PLXNC1: variants seen among roughly 807,000 people sequenced by gnomAD.
PLXNC1 encodes plexin-C1.
Under a neutral mutation model 178.2 loss-of-function variants are expected in PLXNC1, and 75 were observed. That is an observed-to-expected ratio of 0.42 (90% CI 0.35 to 0.51). The LOEUF is 0.51. Among genes scored for constraint, PLXNC1 ranks in the 20% least tolerant of loss-of-function variants. PLXNC1 has a pLI of 0.02. For missense variants in PLXNC1, 1,503 were observed against 1,984.4 expected, an observed-to-expected ratio of 0.76 and a Z score of 4.61; for synonymous variants, 790 against 779.9, an observed-to-expected ratio of 1.01 and a Z score of -0.22.
chr12:94,184,278 C>T lies in PLXNC1; in HGVS notation c.1339-2095C>T, dbSNP rs1332469004. 4.6e-5 allele frequency among the ~76,000 whole-genome samples: 7 copies of T among 151,102 alleles called. 1 individual carries two copies. The highest frequency in any genetic ancestry group is 1.2e-4 in the African/African-American group (5 of 40,752). On this transcript the variant is annotated intron_variant, in intron 3 of 30. Transcript: ENST00000258526. Reference sequence around the variant, plus strand: ...GACTACAGTCACACGCTACCATGCCCGGCTAATTTTTGTATTTTTTTTTTT... The same window carrying T: ...GACTACAGTCACACGCTACCATGCCTGGCTAATTTTTGTATTTTTTTTTTT...
intron 17 of PLXNC1, among the ~76,000 whole-genome samples, chr12:94,258,270 C>T (rs1171650165): frequency 1.3e-5 from 2 of 152,124 alleles, no homozygotes; most frequent in Non-Finnish European, 2.9e-5. Context: ...AAATGCAAAC[C>T]TAGGGTCTGG....
chr12:94,296,531 A>ACAGC (rs1365379506), intron 24 of PLXNC1, among the ~76,000 whole-genome samples: 1 of 152,032 alleles, frequency 6.6e-6, no homozygotes, highest in African/African-American at 2.4e-5. Context: ...CTTACCCTTT[A>ACAGC]CAGCCACATT....
intron 17 of PLXNC1, among the ~76,000 whole-genome samples, chr12:94,258,066 G>A (rs886520341): frequency 1.3e-5 from 2 of 151,974 alleles, no homozygotes; most frequent in Non-Finnish European, 2.9e-5. Context: ...GGCAGAGGTT[G>A]CCGTGAGCCG....
At chr12:94,165,206 C>T (rs1050904377) in intron 1 of PLXNC1, among the ~76,000 whole-genome samples, 10 of 152,250 alleles carry the variant, frequency 6.6e-5, no homozygotes, top group Non-Finnish European at 1.3e-4. Flanking sequence ...AGGGGGCTGA[C>T]TGCACTGTTT....
intron 5 of PLXNC1, among the ~76,000 whole-genome samples, chr12:94,219,807 A>ATTTATTTATTTATTTATTTG (rs1555200400): frequency 3.4e-4 from 16 of 46,678 alleles, no homozygotes; most frequent in African/African-American, 1.8e-3. Context: ...TTATATTTTT[A>ATTTATTTATTTATTTATTTG]TTTATTTATT....
intron 9 of PLXNC1, among the ~76,000 whole-genome samples, chr12:94,232,793 T>G (rs1182660146): frequency 6.6e-6 from 1 of 152,222 alleles, no homozygotes. Flanking sequence ...TGCCATGCCC[T>G]GAGCTCAGAG....
intron 5 of PLXNC1, among the ~76,000 whole-genome samples, chr12:94,215,556 T>TGATAGGTA: frequency 6.7e-6 from 1 of 149,334 alleles, no homozygotes; most frequent in South Asian, 2.1e-4. Context: ...CAAACATAGA[T>TGATAGGTA]GATAGATAGA....
chr12:94,300,882 GAA>G (rs1333844031), intron 27 of PLXNC1, 26 bp from the exon 28 acceptor site: 8 of 1,593,760 alleles, frequency 5.0e-6, no homozygotes, highest in South Asian at 1.1e-5. Flanking sequence ...GGCCCTATTT[GAA>G]AAGAGATTAT....
At chr12:94,186,982 C>T (rs2135968245) in intron 4 of PLXNC1, among the ~76,000 whole-genome samples, 1 of 152,370 alleles carries the variant, frequency 6.6e-6, no homozygotes, top group East Asian at 1.9e-4. Flanking sequence ...TCTGCCCAGC[C>T]TGGTCTGGAA....
chr12:94,206,915 T>A lies in PLXNC1; in HGVS notation c.1440-2675T>A, dbSNP rs184884686. Among the ~76,000 whole-genome samples, 12 of 152,300 alleles carry A rather than the reference T, an allele frequency of 7.9e-5. No individual in the cohort carries two copies. The East Asian group carries it at 2.3e-3, about 29-fold the overall frequency. On this transcript the variant is annotated intron_variant, in intron 4 of 30. Transcript: ENST00000258526. ...ATTAGGGCAGTGGCTCAAGTGTTTATGCACTTGACCGTTGCTCTTGTTGAT... is the reference window on the plus strand; with the variant it reads ...ATTAGGGCAGTGGCTCAAGTGTTTAAGCACTTGACCGTTGCTCTTGTTGAT...
chr12:94,264,202 G>A (rs953630855), intron 20 of PLXNC1, among the ~76,000 whole-genome samples: 1 of 152,268 alleles, frequency 6.6e-6, no homozygotes, highest in African/African-American at 2.4e-5. Flanking sequence ...GGAGGATGCC[G>A]TGGAAACAGA....
intron 27 of PLXNC1, 84 bp downstream of exon 27, chr12:94,298,879 G>T: frequency 1.5e-6 from 2 of 1,302,394 alleles, no homozygotes; most frequent in Non-Finnish European, 2.1e-6. Context: ...AGTTATAGAA[G>T]GATTCATTTA....
intron 4 of PLXNC1, among the ~76,000 whole-genome samples, chr12:94,187,134 A>G (rs1042364148): frequency 6.6e-6 from 1 of 152,020 alleles, no homozygotes; most frequent in Non-Finnish European, 1.5e-5. Flanking sequence ...TTGCTGGAGA[A>G]GCAAAGGAGG....
At chr12:94,279,967 A>T (rs1447616583) in intron 22 of PLXNC1, 2 of 455,514 alleles carry the variant, frequency 4.4e-6, no homozygotes, top group Non-Finnish European at 8.2e-6. Context: ...CATGAAATAC[A>T]GAAAGGTGTC....
chr12:94,272,741 G>A (rs1174429983), intron 21 of PLXNC1, among the ~76,000 whole-genome samples: 3 of 152,222 alleles, frequency 2.0e-5, no homozygotes, highest in African/African-American at 7.2e-5. Flanking sequence ...GCAGAGGCTG[G>A]GAAATGTCAC....
At chr12:94,204,923 C>T (rs1211944182) in intron 4 of PLXNC1, among the ~76,000 whole-genome samples, 1 of 151,940 alleles carries the variant, frequency 6.6e-6, no homozygotes, top group Non-Finnish European at 1.5e-5. Context: ...TCACACTAAC[C>T]CCCACATTCA....
Position 94,306,689 on chromosome 12 carries a change from A to G in PLXNC1, c.*1404A>G, listed in dbSNP as rs1280073824. On this transcript the variant is annotated 3_prime_UTR_variant, in exon 31 of 31. Coordinates refer to ENST00000258526, the MANE Select transcript of PLXNC1 (RefSeq NM_005761.3). ...CACATATTCCTTGAAATCATTTACC[A>G]ACACTGTATGGAGCATTAGGATTTA... is the stretch of plus-strand genomic sequence containing the variant. 6.6e-6 allele frequency: 1 copy of G among 152,174 alleles called. No homozygotes were observed. Among genetic ancestry groups the G allele is most frequent in the Non-Finnish European group, 1.5e-5 (1 of 68,038 alleles). The allele number at this position is 152,174 out of a possible 1,614,324, so 9.4% of individuals were successfully genotyped here. A position where few individuals can be genotyped will look rare whatever the true frequency, so the allele number is the denominator to read the frequency against.
intron 9 of PLXNC1, among the ~76,000 whole-genome samples, chr12:94,233,744 C>G (rs1383836688): frequency 2.0e-5 from 3 of 152,174 alleles, no homozygotes; most frequent in Non-Finnish European, 4.4e-5. Flanking sequence ...ATTTCACACT[C>G]TAATTTTTCT....
intron 10 of PLXNC1, 29 bp downstream of exon 10, chr12:94,237,832 C>T (rs369367553): frequency 2.6e-5 from 41 of 1,606,878 alleles, no homozygotes; most frequent in Middle Eastern, 1.6e-4. Context: ...AATTTATCCT[C>T]GGTAACGTAA....
Sources: allele counts gnomAD v4.1 joint callset (sites outside exome capture counted in the v4.1 genomes callset), GRCh38; gene constraint gnomAD v4.1.1; transcripts MANE v1.5; gene names NCBI Gene and HGNC (gene_info 2026-07-23, HGNC 2026-07-21).